The following AVIL variants were observed in gnomAD, a reference collection of about 807,000 sequenced individuals.
AVIL encodes the protein advillin.
In AVIL, 78 loss-of-function variants were observed where a neutral mutation model predicts 109.9. The observed-to-expected ratio is 0.71, with a 90% CI of 0.59 to 0.86. The LOEUF is 0.86. Ranked by LOEUF, AVIL falls within the 40% of genes least tolerant of loss-of-function variation. The probability of loss-of-function intolerance (pLI) is 0.00; values close to 1 mark genes in which losing one functional copy is unlikely to be tolerated. For synonymous variants in AVIL, 367 were observed against 379.1 expected (o/e 0.97, Z 0.37); for missense variants, 892 against 1,016.5 (o/e 0.88, Z 1.67).
At chr12:57,816,326 A>C in intron 1 of AVIL, 1 of 366,772 alleles carries the variant, frequency 2.7e-6, no homozygotes, top group Non-Finnish European at 5.0e-6. Context: ...ATGGTTATTT[A>C]CCAAAGGGGT....
At chr12:57,801,858 A>T (rs187485117) in intron 17 of AVIL, among the ~76,000 whole-genome samples, 1 of 152,356 alleles carries the variant, frequency 6.6e-6, no homozygotes, top group East Asian at 1.9e-4. Context: ...ATAGGGAGCA[A>T]TACTTCTACT....
At chr12:57,808,126 C>G in intron 11 of AVIL, 68 bp downstream of exon 11, 1 of 1,543,708 alleles carries the variant, frequency 6.5e-7, no homozygotes, top group Non-Finnish European at 9.0e-7. Flanking sequence ...CACCTGCACC[C>G]CTGCCCCCAG....
Position 57,803,375 on chromosome 12 carries a change from G to A in AVIL, c.1834C>T (p.Leu612=), listed in dbSNP as rs1955888882. 6.2e-7 allele frequency: 1 copy of A among 1,614,188 alleles called. No individual in the cohort carries two copies. Among genetic ancestry groups the A allele is most frequent in the South Asian group, 1.1e-5 (1 of 91,086 alleles). Residue 612 remains leucine (L), a synonymous_variant, in exon 16 of 20, where the codon CTA becomes TTA. Coordinates refer to ENST00000549994, the MANE Select transcript of AVIL (RefSeq NM_006576.4). ...TCAAAGAGACGAGACTGGACATCTA[G>A]GATTTCCTGCTGAAGTCTGCAATAT... ...ANDKRLQQEI[L]DVQSRLFECS...
At chr12:57,814,004 G>A (rs760271374) in intron 3 of AVIL, 148 bp downstream of exon 3, 9 of 784,834 alleles carry the variant, frequency 1.1e-5, no homozygotes, top group Non-Finnish European at 1.8e-5. Context: ...TTGATAGTCA[G>A]ACTGGAGGTC....
intron 2 of AVIL, chr12:57,814,468 C>T: frequency 2.0e-6 from 1 of 502,302 alleles, no homozygotes; most frequent in East Asian, 3.5e-5. Flanking sequence ...TTTCCCTTGC[C>T]CTATTCTCCA....
intron 11 of AVIL, chr12:57,807,955 A>G (rs1955977009): frequency 1.2e-6 from 1 of 805,066 alleles, no homozygotes; most frequent in Middle Eastern, 3.0e-4. Flanking sequence ...CGGTCTTTGC[A>G]AGGCTGAGCA....
intron 19 of AVIL, 83 bp downstream of exon 19, chr12:57,799,712 C>A: frequency 6.4e-7 from 1 of 1,572,490 alleles, no homozygotes. Context: ...TGTGCCGGAG[C>A]TGTCCTAGGC....
At chr12:57,810,315 C>T in intron 7 of AVIL, 34 bp downstream of exon 7, 2 of 1,611,502 alleles carry the variant, frequency 1.2e-6, no homozygotes, top group Non-Finnish European at 1.7e-6. Context: ...CCCCCAACCC[C>T]AGCTTCCAGC....
At chr12:57,818,451 G>A (rs1324985916) in intron 1 of AVIL, among the ~76,000 whole-genome samples, 178 bp downstream of exon 1, 1 of 152,056 alleles carries the variant, frequency 6.6e-6, no homozygotes. Context: ...ATGTTCAGCT[G>A]CCTCTAAGGG....
At chr12:57,803,057 A>G (rs549707337) in intron 16 of AVIL, among the ~76,000 whole-genome samples, 190 bp downstream of exon 16, 1 of 152,244 alleles carries the variant, frequency 6.6e-6, no homozygotes, top group South Asian at 2.1e-4. Flanking sequence ...TGAGTTTCAA[A>G]CATCATTCTC....
At chr12:57,808,110 C>G in intron 11 of AVIL, 84 bp downstream of exon 11, 1 of 1,468,846 alleles carries the variant, frequency 6.8e-7, no homozygotes, top group Non-Finnish European at 9.5e-7. Context: ...AAAGCAGACA[C>G]AGAATCACCT....
In AVIL at chr12:57,810,819, C is replaced by T; in HGVS notation, c.555G>A (p.Leu185=). ...NGPESNSGER[L]KAMLLAKDIR... The stretch of plus-strand genomic sequence containing the variant: ...TGCTAAGGCTAGGAAGCCATACCTT[C>T]AGGCGCTCCCCACTGTTGCTCTCTG... Residue 185 remains leucine (L), a synonymous_variant, in exon 6 of 20, where the codon CTG becomes CTA. Transcript: ENST00000549994. 1 of 1,614,102 alleles carries T rather than the reference C, an allele frequency of 6.2e-7. No individual in the cohort carries two copies. The highest frequency in any genetic ancestry group is 8.5e-7 in the Non-Finnish European group (1 of 1,179,936).
rs1450755524 is a variant in AVIL at position 57,797,699 on chromosome 12, G to GTATA, written c.*179_*182dup. ...AAAAACTATATGGTTAACATTTTAG[G>GTATA]TATATAACAAGCAAGGAATGCAAGG... On this transcript the variant is annotated 3_prime_UTR_variant, in exon 20 of 20. Coordinates refer to ENST00000549994, the MANE Select transcript of AVIL (RefSeq NM_006576.4). The GTATA allele has an allele frequency of 8.3e-6, 6 of 719,410 alleles. No individual in the cohort carries two copies. The Admixed American group carries it at 2.3e-4, about 27-fold the overall frequency. 44.6% of individuals were successfully genotyped at this position (719,410 alleles called of 1,614,324 possible).
At position 57,809,683 on chromosome 12, in the gene AVIL, G is replaced by C; in HGVS notation, c.853C>G (p.Leu285Val). The C allele has an allele frequency of 6.2e-7, 1 of 1,614,170 alleles. No homozygotes were observed. Among genetic ancestry groups the C allele is most frequent in the African/African-American group, 1.3e-5 (1 of 75,050 alleles). The change falls in exon 9 of 20, where the codon CTG (leucine) becomes GTG (valine). Residue 285 changes from leucine to valine, a missense_variant. Coordinates refer to ENST00000549994, the MANE Select transcript of AVIL (RefSeq NM_006576.4). ...TAGATTTTGGTTCCACTTTGGTCCA[G>C]GATGTAGCAGTCCTAAAGCAGCCAG... ...DLLNHDDCYILDQSGTKIYVW... is the reference protein window; with the variant it reads ...DLLNHDDCYIVDQSGTKIYVW...
intron 17 of AVIL, 102 bp from the exon 18 acceptor site, chr12:57,801,314 G>T: frequency 1.1e-6 from 1 of 883,514 alleles, no homozygotes; most frequent in Non-Finnish European, 1.8e-6. Context: ...GAGCCAGGGA[G>T]TCAGAAGACA....
At chr12:57,818,345 G>A (rs1175647688) in intron 1 of AVIL, among the ~76,000 whole-genome samples, 1 of 151,922 alleles carries the variant, frequency 6.6e-6, no homozygotes, top group African/African-American at 2.4e-5. Context: ...GGGCCAGGAA[G>A]CTGGTTTTAA....
chr12:57,797,840 G>C lies in AVIL; in HGVS notation c.*42C>G. The C allele has an allele frequency of 6.9e-7, 1 of 1,440,806 alleles. No individual in the cohort carries two copies. The highest frequency in any genetic ancestry group is 9.4e-7 in the Non-Finnish European group (1 of 1,059,714). The allele number at this position is 1,440,806 out of a possible 1,614,324, so 89.3% of individuals were successfully genotyped here. A position where few individuals can be genotyped will look rare whatever the true frequency, so the allele number is the denominator to read the frequency against. Reference sequence around the variant, plus strand: ...TTATTTCCTGATATTGGCACTATCTGCTCTTTTCTGTGGCCTTGCAATAGG... The same window carrying C: ...TTATTTCCTGATATTGGCACTATCTCCTCTTTTCTGTGGCCTTGCAATAGG... On this transcript the variant is annotated 3_prime_UTR_variant, in exon 20 of 20. Coordinates refer to ENST00000549994, the MANE Select transcript of AVIL (RefSeq NM_006576.4).
At chr12:57,806,294 C>A (rs746276626) in intron 14 of AVIL, 66 bp downstream of exon 14, 1 of 1,575,280 alleles carries the variant, frequency 6.3e-7, no homozygotes, top group Non-Finnish European at 8.7e-7. Flanking sequence ...ACCTTGCTGA[C>A]AGGAGGAGGG....
chr12:57,799,734 C>G (rs1955807967), intron 19 of AVIL, 61 bp downstream of exon 19: 1 of 1,606,350 alleles, frequency 6.2e-7, no homozygotes, highest in African/African-American at 1.3e-5. Flanking sequence ...ATTTGCTGAG[C>G]TGAGTTTTTT....
Sources: allele counts gnomAD v4.1 joint callset (sites outside exome capture counted in the v4.1 genomes callset), GRCh38; gene constraint gnomAD v4.1.1; transcripts MANE v1.5; gene names NCBI Gene and HGNC (gene_info 2026-07-23, HGNC 2026-07-21).